Variants in DUSP29 observed in about 807,000 individuals in gnomAD.
The protein encoded by DUSP29 is atypical dual-specific protein phosphatase.
DUSP29 carries 12 observed loss-of-function variants against 13.5 expected under a neutral mutation model. The observed-to-expected ratio is 0.89, with a 90% CI of 0.57 to 1.44. DUSP29 has a LOEUF of 1.44. Among genes scored for constraint, DUSP29 ranks in the 40% most tolerant of loss-of-function variants. The pLI, the probability that DUSP29 is intolerant of heterozygous loss-of-function variation, is 0.00. For missense variants in DUSP29, 308 were observed against 301.1 expected, an observed-to-expected ratio of 1.02 and a Z score of -0.17; for synonymous variants, 134 against 128.7, an observed-to-expected ratio of 1.04 and a Z score of -0.28.
Position 75,059,364 on chromosome 10 carries a change from A to G in DUSP29, c.-34-816T>C, listed in dbSNP as rs191860671. 3.3e-5 allele frequency among the ~76,000 whole-genome samples: 5 copies of G among 152,340 alleles called. No individual in the cohort carries two copies. In the East Asian group the frequency reaches 9.6e-4, roughly 29 times the overall value. On this transcript the variant is annotated intron_variant, in intron 1 of 3. Coordinates refer to ENST00000338487, the MANE Select transcript of DUSP29 (RefSeq NM_001003892.3). Reference sequence around the variant, plus strand: ...ACATTGATTGTTTCCTGAGCTGAGTAAATGATGCACCTATGGTCAGCCTGG... The same window carrying G: ...ACATTGATTGTTTCCTGAGCTGAGTGAATGATGCACCTATGGTCAGCCTGG...
intron 1 of DUSP29, among the ~76,000 whole-genome samples, chr10:75,072,874 C>G (rs1375407535): frequency 6.6e-6 from 1 of 152,072 alleles, no homozygotes; most frequent in African/African-American, 2.4e-5. Context: ...GTCTGAGACG[C>G]AGGCCCGTCC....
intron 1 of DUSP29, among the ~76,000 whole-genome samples, chr10:75,067,493 G>T (rs1216206405): frequency 1.3e-5 from 2 of 152,178 alleles, no homozygotes; most frequent in African/African-American, 4.8e-5. Flanking sequence ...GCTGACATGG[G>T]GGTGCTCTGG....
chr10:75,051,045 C>T (rs1037795811), intron 2 of DUSP29, among the ~76,000 whole-genome samples: 6 of 152,200 alleles, frequency 3.9e-5, no homozygotes, highest in Non-Finnish European at 7.3e-5. Flanking sequence ...TTTTGAAACC[C>T]GCAGGCCCAA....
Position 75,037,697 on chromosome 10 carries a change from C to T in DUSP29, c.*139G>A. The T allele has an allele frequency of 2.8e-6, 4 of 1,412,354 alleles. No individual in the cohort carries two copies. Among genetic ancestry groups the T allele is most frequent in the Non-Finnish European group, 3.8e-6 (4 of 1,053,634 alleles). The allele number at this position is 1,412,354 out of a possible 1,614,324, so 87.5% of individuals were successfully genotyped here. A position where few individuals can be genotyped will look rare whatever the true frequency, so the allele number is the denominator to read the frequency against. ...CTCTGGGTCCTCCCTGTCCCCAGCACACATGGGGAAGTTGAACAAGATGGT... is the reference window on the plus strand; with the variant it reads ...CTCTGGGTCCTCCCTGTCCCCAGCATACATGGGGAAGTTGAACAAGATGGT... On this transcript the variant is annotated 3_prime_UTR_variant, in exon 4 of 4. Coordinates refer to ENST00000338487, the MANE Select transcript of DUSP29 (RefSeq NM_001003892.3).
In DUSP29 at chr10:75,058,316, CA is replaced by C; in HGVS notation, c.198del (p.Asp66GlufsTer20). On this transcript the variant is annotated frameshift_variant and splice_region_variant, in exon 2 of 4. Coordinates refer to ENST00000338487, the MANE Select transcript of DUSP29 (RefSeq NM_001003892.3). LOFTEE classifies it high-confidence loss of function. The part of the protein sequence containing the change: ...NEVWPKLYIG[D>X]EATALDRYRL... The stretch of plus-strand genomic sequence containing the variant: ...GCGAGCCTGGGCCTGGGCACTTACT[CA>C]TCGCCAATGTAGAGCTTGGGCCAGA... 6.2e-7 allele frequency: 1 copy of C among 1,610,964 alleles called. No homozygotes were observed. The highest frequency in any genetic ancestry group is 8.5e-7 in the Non-Finnish European group (1 of 1,177,868).
intron 2 of DUSP29, among the ~76,000 whole-genome samples, chr10:75,052,036 G>A (rs973673593): frequency 3.3e-5 from 5 of 152,288 alleles, no homozygotes; most frequent in African/African-American, 4.8e-5. Context: ...ATTGGGGCTC[G>A]ATTAGGCACA....
chr10:75,040,212 G>A (rs1846554315), intron 3 of DUSP29, among the ~76,000 whole-genome samples: 1 of 152,056 alleles, frequency 6.6e-6, no homozygotes, highest in Admixed American at 6.6e-5. Context: ...GTGAAAATCT[G>A]GTCGGTTAAA....
At chr10:75,062,340 A>G (rs779535132) in intron 1 of DUSP29, among the ~76,000 whole-genome samples, 3 of 152,204 alleles carry the variant, frequency 2.0e-5, no homozygotes, top group Non-Finnish European at 4.4e-5. Flanking sequence ...GATTTTCGGG[A>G]GACGCTAGAG....
chr10:75,070,008 C>G (rs565882104), intron 1 of DUSP29, among the ~76,000 whole-genome samples: 5 of 150,456 alleles, frequency 3.3e-5, no homozygotes, highest in African/African-American at 9.8e-5. Context: ...CAAGATCATG[C>G]CACTGCACTC....
chr10:75,046,744 T>A (rs1235737651), intron 2 of DUSP29, among the ~76,000 whole-genome samples: 1 of 152,252 alleles, frequency 6.6e-6, no homozygotes, highest in African/African-American at 2.4e-5. Flanking sequence ...GCTTTTCATT[T>A]TTCGTCTTGC....
Position 75,044,418 on chromosome 10 carries a change from G to C in DUSP29, c.201-401C>G, listed in dbSNP as rs150447474. ...TTCTCCCAACCTCTGCTCTGAACCT[G>C]CTGGATGTTTTTAGGGTTTGGAGAT... On this transcript the variant is annotated intron_variant, in intron 2 of 3. Transcript: ENST00000338487. 6.6e-5 allele frequency among the ~76,000 whole-genome samples: 10 copies of C among 152,264 alleles called. No individual in the cohort carries two copies. The East Asian group carries it at 1.9e-3, about 29-fold the overall frequency.
Position 75,037,714 on chromosome 10 carries a change from C to T in DUSP29, c.*122G>A. On this transcript the variant is annotated 3_prime_UTR_variant, in exon 4 of 4. Coordinates refer to ENST00000338487, the MANE Select transcript of DUSP29 (RefSeq NM_001003892.3). ...CCCCAGCACACATGGGGAAGTTGAACAAGATGGTTTGGAAGAGTCGAGCTT... is the reference window on the plus strand; with the variant it reads ...CCCCAGCACACATGGGGAAGTTGAATAAGATGGTTTGGAAGAGTCGAGCTT... 2 of 1,475,904 alleles carry T rather than the reference C, an allele frequency of 1.4e-6. No individual in the cohort carries two copies. Among genetic ancestry groups the T allele is most frequent in the Middle Eastern group, 2.6e-4 (1 of 3,914 alleles). The allele number at this position is 1,475,904 out of a possible 1,614,324, so 91.4% of individuals were successfully genotyped here.
chr10:75,056,286 G>A (rs11001262), intron 2 of DUSP29, among the ~76,000 whole-genome samples: 1 of 151,868 alleles, frequency 6.6e-6, no homozygotes, highest in Admixed American at 6.5e-5. Context: ...CCAGCACTTC[G>A]GGAGGCTGAG....
intron 3 of DUSP29, among the ~76,000 whole-genome samples, chr10:75,039,579 T>C (rs1374522214): frequency 6.6e-6 from 1 of 152,186 alleles, no homozygotes; most frequent in Non-Finnish European, 1.5e-5. Flanking sequence ...TAGGAGTGAC[T>C]GGAAGGTAGG....
chr10:75,053,230 G>T (rs1331159204), intron 2 of DUSP29, among the ~76,000 whole-genome samples: 1 of 152,160 alleles, frequency 6.6e-6, no homozygotes, highest in African/African-American at 2.4e-5. Context: ...CCTTCTGAAA[G>T]TGTACCACAT....
chr10:75,051,946 G>A (rs1218890153), intron 2 of DUSP29, among the ~76,000 whole-genome samples: 1 of 152,182 alleles, frequency 6.6e-6, no homozygotes, highest in Non-Finnish European at 1.5e-5. Context: ...CAGAAATCAG[G>A]GACAAGCACA....
At chr10:75,066,184 G>A (rs79935100) in intron 1 of DUSP29, among the ~76,000 whole-genome samples, 16,461 of 152,200 alleles carry the variant, frequency 0.11, 1,116 homozygotes, top group South Asian at 0.27. Context: ...GGGCCCTGCG[G>A]CAGGACTGAG....
At chr10:75,062,716 C>A (rs898887384) in intron 1 of DUSP29, among the ~76,000 whole-genome samples, 1 of 152,174 alleles carries the variant, frequency 6.6e-6, no homozygotes, top group African/African-American at 2.4e-5. Context: ...AGGCCAGGAG[C>A]ATCTGTTTCC....
chr10:75,070,117 GGAAGGAA>G (rs1847298965), intron 1 of DUSP29, among the ~76,000 whole-genome samples: 1 of 103,088 alleles, frequency 9.7e-6, no homozygotes, highest in African/African-American at 4.4e-5. Context: ...AAGGAAGGAA[GGAAGGAA>G]GGAAGGAAGG....
Sources: gnomAD v4.1 joint callset for allele counts (sites outside exome capture counted in the v4.1 genomes callset) on GRCh38, gnomAD v4.1.1 for gene constraint, MANE v1.5 for transcripts, NCBI Gene and HGNC (gene_info 2026-07-23, HGNC 2026-07-21) for gene names.